Variants in GRIK1 observed in about 807,000 individuals in gnomAD.
The protein encoded by GRIK1 is glutamate ionotropic receptor kainate type subunit 1.
Under a neutral mutation model 105.7 loss-of-function variants are expected in GRIK1, and 69 were observed. That is an observed-to-expected ratio of 0.65 (90% CI 0.54 to 0.80). GRIK1 has a LOEUF of 0.80. Among genes scored for constraint, GRIK1 ranks in the 30% least tolerant of loss-of-function variants. GRIK1 has a pLI of 0.00. For missense variants in GRIK1, 1,109 were observed against 1,167.3 expected, an observed-to-expected ratio of 0.95 and a Z score of 0.73; for synonymous variants, 438 against 431.3, an observed-to-expected ratio of 1.02 and a Z score of -0.19.
chr21:29,828,011 C>CTG (rs138594747), intron 1 of GRIK1, among the ~76,000 whole-genome samples: 3,615 of 76,402 alleles, frequency 0.047, 156 homozygotes, highest in African/African-American at 0.11. Flanking sequence ...CTGTCTCTCT[C>CTG]TGTGTGTGTG....
chr21:29,835,872 TAC>T (rs2145981913), intron 1 of GRIK1, among the ~76,000 whole-genome samples: 1 of 152,320 alleles, frequency 6.6e-6, no homozygotes, highest in African/African-American at 2.4e-5. Context: ...GTGATTTTGG[TAC>T]AGTCTGATTA....
chr21:29,777,734 C>T lies in GRIK1; in HGVS notation c.119-83671G>A, dbSNP rs556239388. On this transcript the variant is annotated intron_variant, in intron 1 of 17. Coordinates refer to ENST00000327783, the MANE Select transcript of GRIK1 (RefSeq NM_001330994.2). ...TACAGGGATAACACGATCTGATCCT[C>T]ATTTTGGAACGTTAATGCAGGTGAC... Among the ~76,000 whole-genome samples the T allele has an allele frequency of 5.9e-5, 9 of 152,080 alleles. No homozygotes were observed. The South Asian group carries it at 1.9e-3, about 32-fold the overall frequency.
chr21:29,894,098 G>A (rs2070014397), intron 1 of GRIK1, among the ~76,000 whole-genome samples: 1 of 152,148 alleles, frequency 6.6e-6, no homozygotes, highest in African/African-American at 2.4e-5. Flanking sequence ...TCACAAAGTG[G>A]ATTGATGAAG....
At chr21:29,829,132 A>G (rs1380621239) in intron 1 of GRIK1, among the ~76,000 whole-genome samples, 1 of 152,132 alleles carries the variant, frequency 6.6e-6, no homozygotes, top group African/African-American at 2.4e-5. Flanking sequence ...CTGTGTTTAC[A>G]TTTCATAGAA....
intron 7 of GRIK1, among the ~76,000 whole-genome samples, chr21:29,631,589 G>A (rs2062273209): frequency 6.6e-6 from 1 of 151,982 alleles, no homozygotes; most frequent in South Asian, 2.1e-4. Context: ...TAAGACAGCT[G>A]TTCATTATGG....
chr21:29,563,693 C>T (rs1220632986), intron 14 of GRIK1, among the ~76,000 whole-genome samples: 2 of 152,066 alleles, frequency 1.3e-5, no homozygotes, highest in African/African-American at 2.4e-5. Context: ...TGCACAGCTG[C>T]GAAAATTATT....
chr21:29,806,274 A>C (rs191591694), intron 1 of GRIK1, among the ~76,000 whole-genome samples: 166 of 152,188 alleles, frequency 1.1e-3, no homozygotes, highest in Non-Finnish European at 1.7e-3. Flanking sequence ...TCTTGGTGTA[A>C]TTGGGTGATC....
At chr21:29,827,328 A>G (rs975564822) in intron 1 of GRIK1, among the ~76,000 whole-genome samples, 2 of 152,156 alleles carry the variant, frequency 1.3e-5, no homozygotes, top group African/African-American at 4.8e-5. Context: ...ATAGAAGAAC[A>G]GATTAATGGA....
chr21:29,566,987 A>G (rs1351068277), intron 14 of GRIK1, among the ~76,000 whole-genome samples: 1 of 152,226 alleles, frequency 6.6e-6, no homozygotes, highest in Non-Finnish European at 1.5e-5. Context: ...AATAATCGAA[A>G]CAAGTAGCTG....
At chr21:29,937,087 CACACACTCAT>C (rs2071784778) in intron 1 of GRIK1, among the ~76,000 whole-genome samples, 1 of 152,190 alleles carries the variant, frequency 6.6e-6, no homozygotes, top group Non-Finnish European at 1.5e-5. Context: ...TTTTTCCTTA[CACACACTCAT>C]ACACACACAC....
At chr21:29,586,212 G>A (rs1568850976) in intron 12 of GRIK1, among the ~76,000 whole-genome samples, 1 of 152,160 alleles carries the variant, frequency 6.6e-6, no homozygotes. Flanking sequence ...CTGAGCTTTG[G>A]TAAGGGTACA....
intron 1 of GRIK1, among the ~76,000 whole-genome samples, chr21:29,907,063 G>T (rs2146281620): frequency 6.7e-6 from 1 of 150,126 alleles, no homozygotes; most frequent in Middle Eastern, 3.5e-3. Flanking sequence ...TAAAGTTTCT[G>T]CAAAGCACAC....
chr21:29,774,892 C>G (rs1032201747), intron 1 of GRIK1, among the ~76,000 whole-genome samples: 1 of 152,156 alleles, frequency 6.6e-6, no homozygotes. Context: ...CTGTCTTGAA[C>G]TTCTTAATAA....
At chr21:29,716,298 C>A (rs1453904204) in intron 1 of GRIK1, among the ~76,000 whole-genome samples, 1 of 152,050 alleles carries the variant, frequency 6.6e-6, no homozygotes, top group Non-Finnish European at 1.5e-5. Context: ...TGGGGTGCTG[C>A]TATAAAGATA....
chr21:29,932,356 A>G (rs1349873965), intron 1 of GRIK1, among the ~76,000 whole-genome samples: 2 of 152,162 alleles, frequency 1.3e-5, no homozygotes, highest in African/African-American at 4.8e-5. Context: ...ATTTGTGACT[A>G]ATCTTACCTT....
At chr21:29,613,621 C>T (rs1045951804) in intron 7 of GRIK1, among the ~76,000 whole-genome samples, 1 of 152,024 alleles carries the variant, frequency 6.6e-6, no homozygotes, top group Non-Finnish European at 1.5e-5. Flanking sequence ...CATCCACCAC[C>T]CATATACAGG....
intron 1 of GRIK1, among the ~76,000 whole-genome samples, chr21:29,894,026 G>A (rs747694572): frequency 6.6e-6 from 1 of 152,160 alleles, no homozygotes; most frequent in East Asian, 1.9e-4. Flanking sequence ...ACAGTCGGTG[G>A]TTGTTTTGTA....
At chr21:29,722,654 A>G (rs1377192679) in intron 1 of GRIK1, among the ~76,000 whole-genome samples, 1 of 151,928 alleles carries the variant, frequency 6.6e-6, no homozygotes, top group African/African-American at 2.4e-5. Flanking sequence ...ATTAGGTGGT[A>G]GTTGAAAGAT....
intron 14 of GRIK1, among the ~76,000 whole-genome samples, chr21:29,564,238 C>T (rs1019692792): frequency 3.7e-4 from 57 of 152,128 alleles, no homozygotes; most frequent in Admixed American, 3.0e-3. Flanking sequence ...AGCTCCGCCT[C>T]CCGGGTTCAC....
Sources: gnomAD v4.1 joint callset for allele counts (sites outside exome capture counted in the v4.1 genomes callset) on GRCh38, gnomAD v4.1.1 for gene constraint, MANE v1.5 for transcripts, NCBI Gene and HGNC (gene_info 2026-07-23, HGNC 2026-07-21) for gene names.